The following PAPPA variants were observed in gnomAD, a reference collection of about 807,000 sequenced individuals.
The protein encoded by PAPPA is pappalysin-1.
Under a neutral mutation model 164.0 loss-of-function variants are expected in PAPPA, and 60 were observed. The observed-to-expected ratio is 0.37, with a 90% CI of 0.30 to 0.45. The LOEUF is 0.45. Ranked by LOEUF, PAPPA falls within the 20% of genes least tolerant of loss-of-function variation. The pLI is 1.00. For missense variants in PAPPA, 1,782 were observed against 2,087.3 expected, an observed-to-expected ratio of 0.85 and a Z score of 2.85; for synonymous variants, 875 against 814.1, an observed-to-expected ratio of 1.07 and a Z score of -1.27.
chr9:116,234,771 C>G (rs1844639489), intron 6 of PAPPA, among the ~76,000 whole-genome samples: 2 of 152,178 alleles, frequency 1.3e-5, no homozygotes, highest in Admixed American at 1.3e-4. Context: ...TAAGTCCTTG[C>G]AAGAATTAAA....
At chr9:116,350,045 T>C (rs1459046428) in intron 15 of PAPPA, among the ~76,000 whole-genome samples, 3 of 152,100 alleles carry the variant, frequency 2.0e-5, no homozygotes, top group Admixed American at 6.6e-5. Context: ...TGCCTCCGAG[T>C]TATTGCAACT....
Position 116,165,653 on chromosome 9 carries a change from C to G in PAPPA, c.415+11066C>G, listed in dbSNP as rs369200800. Reference sequence around the variant, plus strand: ...GCAAATCTGACTCTGTCACCTCTAGCTGAAAGCTCTTCAATAAAATCTGAA... The same window carrying G: ...GCAAATCTGACTCTGTCACCTCTAGGTGAAAGCTCTTCAATAAAATCTGAA... On this transcript the variant is annotated intron_variant, in intron 1 of 21. Coordinates refer to ENST00000328252, the MANE Select transcript of PAPPA (RefSeq NM_002581.5). Among the ~76,000 whole-genome samples, 28 of 152,352 alleles carry G rather than the reference C, an allele frequency of 1.8e-4. 1 individual carries two copies. The East Asian group carries it at 2.7e-3, about 15-fold the overall frequency.
intron 10 of PAPPA, among the ~76,000 whole-genome samples, chr9:116,324,744 G>A (rs1845900853): frequency 6.6e-6 from 1 of 152,188 alleles, no homozygotes; most frequent in South Asian, 2.1e-4. Context: ...CAATGCAGCG[G>A]TGGTGGGCGT....
At chr9:116,326,472 C>G (rs973556938) in intron 10 of PAPPA, among the ~76,000 whole-genome samples, 1 of 152,110 alleles carries the variant, frequency 6.6e-6, no homozygotes. Flanking sequence ...ATGTAGACAC[C>G]ATTAAATCTG....
intron 21 of PAPPA, among the ~76,000 whole-genome samples, chr9:116,382,856 G>A (rs1422196964): frequency 2.0e-5 from 3 of 152,268 alleles, no homozygotes; most frequent in Middle Eastern, 3.4e-3. Flanking sequence ...GGGATAAGAG[G>A]AAGGGGTGAG....
intron 6 of PAPPA, 134 bp from the exon 7 acceptor site, chr9:116,235,005 C>A: frequency 3.2e-6 from 3 of 928,512 alleles, no homozygotes; most frequent in African/African-American, 1.6e-5. Context: ...ACCAAGGCAC[C>A]AAGAACCTTC....
chr9:116,184,333 G>A (rs1390127479), intron 1 of PAPPA, among the ~76,000 whole-genome samples: 5 of 152,296 alleles, frequency 3.3e-5, no homozygotes, highest in East Asian at 1.9e-4. Flanking sequence ...CTAAGCTGAC[G>A]GGATCTATGA....
intron 4 of PAPPA, among the ~76,000 whole-genome samples, chr9:116,219,517 GTGAATGAA>G (rs761969850): frequency 1.3e-5 from 2 of 152,140 alleles, no homozygotes; most frequent in East Asian, 1.9e-4. Context: ...GGATAAACAA[GTGAATGAA>G]TGAATGAATG....
intron 7 of PAPPA, 82 bp downstream of exon 7, chr9:116,235,719 G>A (rs957938123): frequency 4.5e-6 from 6 of 1,348,074 alleles, no homozygotes; most frequent in Non-Finnish European, 6.3e-6. Context: ...GGCCTGGACA[G>A]GGGGAAGGTT....
At chr9:116,322,045 G>A (rs1845862983) in intron 10 of PAPPA, among the ~76,000 whole-genome samples, 1 of 152,140 alleles carries the variant, frequency 6.6e-6, no homozygotes, top group Admixed American at 6.5e-5. Context: ...ATCTCAATTG[G>A]GGATAAAGAT....
chr9:116,331,488 A>G (rs1172190426), intron 11 of PAPPA, 131 bp downstream of exon 11: 1 of 624,294 alleles, frequency 1.6e-6, no homozygotes, highest in Non-Finnish European at 2.9e-6. Flanking sequence ...GGAACAAAAC[A>G]CTTAGCAGTG....
At chr9:116,206,773 A>G (rs941462318) in intron 2 of PAPPA, among the ~76,000 whole-genome samples, 32 of 152,288 alleles carry the variant, frequency 2.1e-4, no homozygotes, top group African/African-American at 7.7e-4. Flanking sequence ...GCATCAGGGA[A>G]GTCTTCCTGG....
At chr9:116,285,703 T>A (rs1256193266) in intron 9 of PAPPA, 1 of 152,242 alleles carries the variant, frequency 6.6e-6, no homozygotes, top group Non-Finnish European at 1.5e-5. Context: ...CCCCTCTCAC[T>A]AGGACCTGAG....
chr9:116,358,187 A>C (rs1197263840), intron 17 of PAPPA, among the ~76,000 whole-genome samples: 1 of 152,098 alleles, frequency 6.6e-6, no homozygotes, highest in Non-Finnish European at 1.5e-5. Flanking sequence ...TGTTTTACTG[A>C]TGGGAGCCCT....
At chr9:116,248,410 T>C (rs1238210576) in intron 7 of PAPPA, among the ~76,000 whole-genome samples, 1 of 152,182 alleles carries the variant, frequency 6.6e-6, no homozygotes, top group Non-Finnish European at 1.5e-5. Context: ...GAAATTCTGT[T>C]CAGATTATCC....
rs568291818 is a variant in PAPPA, at chr9:116,267,807, G to A, written c.2861+1822G>A. The stretch of plus-strand genomic sequence containing the variant: ...GAAGAATGGCGTGAACCCGGGAAGC[G>A]GAGCTTGCAGTGAGCCGAGATTGCG... On this transcript the variant is annotated intron_variant, in intron 8 of 21. Coordinates refer to ENST00000328252, the MANE Select transcript of PAPPA (RefSeq NM_002581.5). Among the ~76,000 whole-genome samples, 59 of 150,568 alleles carry A rather than the reference G, an allele frequency of 3.9e-4. No homozygotes were observed. The East Asian group carries it at 9.2e-3, about 24-fold the overall frequency.
intron 19 of PAPPA, among the ~76,000 whole-genome samples, chr9:116,377,192 A>G (rs1846665342): frequency 6.6e-6 from 1 of 151,030 alleles, no homozygotes; most frequent in Non-Finnish European, 1.5e-5. Context: ...ACACACACAC[A>G]TGCAAACACA....
chr9:116,237,997 G>A (rs1265810573), intron 7 of PAPPA, among the ~76,000 whole-genome samples: 1 of 151,978 alleles, frequency 6.6e-6, no homozygotes, highest in Non-Finnish European at 1.5e-5. Flanking sequence ...GGGATTACAG[G>A]CATGAGCCAC....
intron 19 of PAPPA, chr9:116,373,749 C>A (rs977420549): frequency 2.0e-5 from 3 of 152,146 alleles, no homozygotes; most frequent in African/African-American, 4.8e-5. Context: ...GGATGGTATA[C>A]TTTGAAGGAG....
Sources: allele counts gnomAD v4.1 joint callset (sites outside exome capture counted in the v4.1 genomes callset), GRCh38; gene constraint gnomAD v4.1.1; transcripts MANE v1.5; gene names NCBI Gene and HGNC (gene_info 2026-07-23, HGNC 2026-07-21).